RANBP17: variants seen among roughly 807,000 people sequenced by gnomAD.
RANBP17 encodes ran-binding protein 17.
A neutral mutation model predicts 141.2 loss-of-function variants in RANBP17; 158 were observed. The ratio of observed to expected loss-of-function variants is 1.12; its 90% CI spans 0.98 to 1.28. RANBP17 has a LOEUF of 1.28. Ranked by LOEUF, RANBP17 falls within the 50% of genes most tolerant of loss-of-function variation. The pLI is 0.00. For missense variants in RANBP17, 1,438 were observed against 1,290.7 expected (o/e 1.11, Z -1.75); for synonymous variants, 430 against 450.0 (o/e 0.96, Z 0.56).
chr5:171,111,125 C>A (rs530816895), intron 14 of RANBP17, among the ~76,000 whole-genome samples: 1 of 150,952 alleles, frequency 6.6e-6, no homozygotes, highest in African/African-American at 2.4e-5. Flanking sequence ...GATCTGCTTT[C>A]AGGAAGAAAA....
intron 25 of RANBP17, among the ~76,000 whole-genome samples, chr5:171,289,727 C>T (rs1008703802): frequency 6.6e-6 from 1 of 152,048 alleles, no homozygotes; most frequent in African/African-American, 2.4e-5. Flanking sequence ...CAGAGTAAGA[C>T]CCCATCTCTA....
At chr5:170,934,147 T>A (rs1773655152) in intron 12 of RANBP17, among the ~76,000 whole-genome samples, 1 of 152,238 alleles carries the variant, frequency 6.6e-6, no homozygotes, top group Admixed American at 6.5e-5. Flanking sequence ...CTTGCTGAAT[T>A]GATCCCTTTA....
chr5:171,289,651 G>A (rs1274993455), intron 25 of RANBP17, among the ~76,000 whole-genome samples: 1 of 152,068 alleles, frequency 6.6e-6, no homozygotes, highest in African/African-American at 2.4e-5. Flanking sequence ...AGGTGGAGTT[G>A]CTTGAGACCA....
intron 12 of RANBP17, among the ~76,000 whole-genome samples, chr5:170,929,831 C>A (rs140034378): frequency 1.3e-5 from 2 of 152,202 alleles, no homozygotes; most frequent in African/African-American, 4.8e-5. Flanking sequence ...GTGAAGCCAG[C>A]GGGCCAAGAG....
intron 15 of RANBP17, among the ~76,000 whole-genome samples, 176 bp downstream of exon 15, chr5:171,170,379 G>A (rs1760018392): frequency 1.3e-5 from 2 of 152,060 alleles, no homozygotes; most frequent in African/African-American, 4.8e-5. Flanking sequence ...ATATTGAAAA[G>A]TCACCATCCA....
At chr5:171,070,258 A>G (rs1784557538) in intron 14 of RANBP17, among the ~76,000 whole-genome samples, 1 of 152,146 alleles carries the variant, frequency 6.6e-6, no homozygotes, top group African/African-American at 2.4e-5. Flanking sequence ...GAAAGTTGAG[A>G]TCCAACAAAA....
chr5:170,877,246 C>T lies in RANBP17; in HGVS notation c.19-851C>T, dbSNP rs886245813. Among the ~76,000 whole-genome samples, 12 of 151,880 alleles carry T rather than the reference C, an allele frequency of 7.9e-5. No homozygotes were observed. The East Asian group carries it at 1.4e-3, about 17-fold the overall frequency. On this transcript the variant is annotated intron_variant, in intron 1 of 27. Transcript: ENST00000523189. ...ACTTTGAGTTGTTGGTTCAGAAGCCCGAAATCAACATATAATAAAAATAAT... is the reference window on the plus strand; with the variant it reads ...ACTTTGAGTTGTTGGTTCAGAAGCCTGAAATCAACATATAATAAAAATAAT...
At chr5:171,162,525 G>A (rs1411128516) in intron 14 of RANBP17, among the ~76,000 whole-genome samples, 2 of 152,080 alleles carry the variant, frequency 1.3e-5, no homozygotes, top group African/African-American at 4.8e-5. Flanking sequence ...TCTGCTTGGG[G>A]GTGGGAGGAA....
rs190512327 is a variant in RANBP17 at position 170,949,157 on chromosome 5, C to G, written c.1469-4440C>G. On this transcript the variant is annotated intron_variant, in intron 12 of 27. Coordinates refer to ENST00000523189, the MANE Select transcript of RANBP17 (RefSeq NM_022897.5). Reference sequence around the variant, plus strand: ...TCTTAAGTGACTTTGGGTTGGGCAGCTATTTCTTAGATATGACACCTGAAG... The same window carrying G: ...TCTTAAGTGACTTTGGGTTGGGCAGGTATTTCTTAGATATGACACCTGAAG... Among the ~76,000 whole-genome samples the G allele has an allele frequency of 3.9e-5, 6 of 152,138 alleles. No homozygotes were observed. The East Asian group carries it at 9.7e-4, about 25-fold the overall frequency.
At chr5:171,123,222 C>G (rs192616710) in intron 14 of RANBP17, among the ~76,000 whole-genome samples, 110 of 152,294 alleles carry the variant, frequency 7.2e-4, no homozygotes, top group African/African-American at 2.6e-3. Flanking sequence ...CACCAAGGTA[C>G]CTGAATACAG....
intron 3 of RANBP17, among the ~76,000 whole-genome samples, chr5:170,887,690 T>C (rs1240858146): frequency 1.3e-5 from 2 of 152,228 alleles, no homozygotes; most frequent in East Asian, 3.8e-4. Flanking sequence ...TTTGTGCTGC[T>C]GTCACAGAAT....
chr5:171,277,940 T>C (rs1282620292), intron 25 of RANBP17, among the ~76,000 whole-genome samples: 2 of 2,676 alleles, frequency 7.5e-4, no homozygotes, highest in Non-Finnish European at 2.0e-3. Context: ...ACTTCTTTCT[T>C]TTTTTTTTTT....
chr5:170,972,619 G>C (rs756754773), intron 14 of RANBP17, among the ~76,000 whole-genome samples: 4 of 152,038 alleles, frequency 2.6e-5, no homozygotes, highest in Admixed American at 2.0e-4. Context: ...TGATATGTTA[G>C]ATTGTTTCCA....
chr5:170,911,487 A>C, intron 7 of RANBP17: 1 of 702,294 alleles, frequency 1.4e-6, no homozygotes, highest in South Asian at 1.4e-5. Flanking sequence ...GGTGCTGGTC[A>C]AACCTTTAAA....
At chr5:170,918,165 A>C (rs968734689) in intron 9 of RANBP17, 43 of 152,002 alleles carry the variant, frequency 2.8e-4, no homozygotes, top group Admixed American at 2.8e-3. Flanking sequence ...GCTCAACTTT[A>C]TTCCTTACAT....
chr5:171,028,906 A>G, intron 14 of RANBP17: 2 of 1,288,734 alleles, frequency 1.6e-6, no homozygotes, highest in Non-Finnish European at 2.0e-6. Flanking sequence ...GCTTGTGGCA[A>G]ACCTATCCAA....
At chr5:171,138,089 A>G (rs1757440729) in intron 14 of RANBP17, among the ~76,000 whole-genome samples, 5 of 152,082 alleles carry the variant, frequency 3.3e-5, no homozygotes, top group African/African-American at 1.2e-4. Context: ...ATAAAGAATG[A>G]ACTAGATTGC....
intron 14 of RANBP17, among the ~76,000 whole-genome samples, chr5:171,011,897 A>T (rs1477808927): frequency 6.6e-6 from 1 of 151,934 alleles, no homozygotes; most frequent in Non-Finnish European, 1.5e-5. Flanking sequence ...TTAATCTAAC[A>T]TCGTTTTGCT....
chr5:170,968,267 G>T lies in RANBP17; in HGVS notation c.1600G>T (p.Asp534Tyr). ...CRVFQLISLM[D>Y]TGLPRCCNEK... is the part of the protein sequence containing the mutation. Reference sequence around the variant, plus strand: ...AGTTTTTCAGCTTATATCTTTAATGGATACCGGATTGCCTCGATGTTGTAA... The same window carrying T: ...AGTTTTTCAGCTTATATCTTTAATGTATACCGGATTGCCTCGATGTTGTAA... Residue 534 changes from aspartate to tyrosine, a missense_variant, in exon 14 of 28, where the codon GAT becomes TAT. Physicochemically the swap from Asp to Tyr is radical, Grantham distance 160 (BLOSUM62 -3). Transcript: ENST00000523189. The T allele has an allele frequency of 8.2e-6, 13 of 1,591,684 alleles. No homozygotes were observed. The highest frequency in any genetic ancestry group is 1.1e-5 in the Non-Finnish European group (13 of 1,173,108).
Sources: allele counts gnomAD v4.1 joint callset (sites outside exome capture counted in the v4.1 genomes callset), GRCh38; gene constraint gnomAD v4.1.1; transcripts MANE v1.5; gene names NCBI Gene and HGNC (gene_info 2026-07-23, HGNC 2026-07-21).